The following LRP1B variants were observed in gnomAD, a reference collection of about 807,000 sequenced individuals.
The protein encoded by LRP1B is LDL receptor related protein 1B.
In LRP1B, 217 loss-of-function variants were observed where a neutral mutation model predicts 556.6. That is an observed-to-expected ratio of 0.39 (90% confidence interval 0.35 to 0.44). The LOEUF (loss-of-function observed/expected upper bound fraction) is 0.44, where lower values mean the gene tolerates loss of function less well. Among genes scored for constraint, LRP1B ranks in the 20% least tolerant of loss-of-function variants. The pLI, the probability that LRP1B is intolerant of heterozygous loss-of-function variation, is 1.00. For synonymous variants in LRP1B, 2,047 were observed against 1,865.8 expected, an observed-to-expected ratio of 1.10 and a Z score of -2.50; for missense variants, 5,053 against 5,620.8, an observed-to-expected ratio of 0.90 and a Z score of 3.23.
intron 3 of LRP1B, among the ~76,000 whole-genome samples, chr2:141,474,684 T>C: frequency 6.6e-6 from 1 of 152,186 alleles, no homozygotes; most frequent in East Asian, 1.9e-4. Context: ...TAAGGGGATC[T>C]TTTTCTTTTT....
intron 32 of LRP1B, among the ~76,000 whole-genome samples, chr2:140,781,321 T>C (rs1019065585): frequency 5.9e-5 from 9 of 152,304 alleles, no homozygotes; most frequent in Middle Eastern, 6.8e-3. Context: ...TCTTTCATCA[T>C]GCATAATTCT....
At chr2:141,723,459 G>T (rs1382328014) in intron 2 of LRP1B, among the ~76,000 whole-genome samples, 1 of 151,356 alleles carries the variant, frequency 6.6e-6, no homozygotes, top group African/African-American at 2.4e-5. Context: ...GTTCATTAGG[G>T]TATAGCTATA....
intron 35 of LRP1B, among the ~76,000 whole-genome samples, chr2:140,733,690 T>A (rs1015340380): frequency 6.6e-6 from 1 of 152,148 alleles, no homozygotes; most frequent in Admixed American, 6.5e-5. Flanking sequence ...AAAATGAGAT[T>A]AGTGATCACT....
intron 1 of LRP1B, among the ~76,000 whole-genome samples, chr2:142,085,297 C>A (rs1705874409): frequency 6.6e-6 from 1 of 152,158 alleles, no homozygotes; most frequent in South Asian, 2.1e-4. Flanking sequence ...CTTCTAACAT[C>A]TCCCATATTA....
At chr2:140,748,889 TAAC>T (rs1688473935) in intron 35 of LRP1B, among the ~76,000 whole-genome samples, 1 of 147,248 alleles carries the variant, frequency 6.8e-6, no homozygotes, top group African/African-American at 2.5e-5. Context: ...ATGCATCACT[TAAC>T]AACAGGGATA....
At chr2:142,042,468 A>G (rs970393213) in intron 1 of LRP1B, among the ~76,000 whole-genome samples, 2 of 151,452 alleles carry the variant, frequency 1.3e-5, no homozygotes, top group South Asian at 2.1e-4. Flanking sequence ...TCCTCTTAAA[A>G]CAATAATGCA....
At chr2:140,890,450 T>A (rs1186080996) in intron 23 of LRP1B, among the ~76,000 whole-genome samples, 1 of 152,202 alleles carries the variant, frequency 6.6e-6, no homozygotes, top group Non-Finnish European at 1.5e-5. Flanking sequence ...CAATGACCTT[T>A]ACATTGAGTA....
chr2:140,410,974 A>G (rs1485045398), intron 66 of LRP1B, among the ~76,000 whole-genome samples: 1 of 152,134 alleles, frequency 6.6e-6, no homozygotes, highest in Non-Finnish European at 1.5e-5. Context: ...TTACCTCACT[A>G]GAGCCATATA....
chr2:141,442,731 C>T (rs183056075), intron 3 of LRP1B, among the ~76,000 whole-genome samples: 5 of 152,208 alleles, frequency 3.3e-5, no homozygotes, highest in Non-Finnish European at 5.9e-5. Flanking sequence ...TTTCCAGCTT[C>T]GTCCATGTCC....
At chr2:141,954,854 C>G (rs893273244) in intron 1 of LRP1B, among the ~76,000 whole-genome samples, 7 of 152,036 alleles carry the variant, frequency 4.6e-5, no homozygotes, top group Admixed American at 1.3e-4. Context: ...TCCAGAGGAC[C>G]TTTCTTATGA....
chr2:141,805,287 A>C (rs928649789), intron 2 of LRP1B: 3 of 152,152 alleles, frequency 2.0e-5, no homozygotes, highest in Non-Finnish European at 4.4e-5. Flanking sequence ...GAAAGATAGA[A>C]GAAGCCTGTT....
chr2:140,585,262 G>T (rs1681939809), intron 43 of LRP1B, among the ~76,000 whole-genome samples: 1 of 151,984 alleles, frequency 6.6e-6, no homozygotes, highest in Non-Finnish European at 1.5e-5. Context: ...ATCCTATGAG[G>T]CATAAACTAT....
intron 1 of LRP1B, among the ~76,000 whole-genome samples, chr2:141,845,861 T>C (rs1697628128): frequency 6.6e-6 from 1 of 151,814 alleles, no homozygotes; most frequent in Non-Finnish European, 1.5e-5. Context: ...ACAATTACTT[T>C]TTAAAAAGAG....
chr2:141,546,053 C>G (rs572402894), intron 2 of LRP1B, among the ~76,000 whole-genome samples: 34 of 152,150 alleles, frequency 2.2e-4, no homozygotes, highest in African/African-American at 7.0e-4. Flanking sequence ...GGTGATGCTT[C>G]CCTTCACCTC....
At chr2:141,202,822 T>G (rs992084737) in intron 6 of LRP1B, among the ~76,000 whole-genome samples, 13 of 152,120 alleles carry the variant, frequency 8.5e-5, no homozygotes, top group Admixed American at 2.0e-4. Flanking sequence ...ACATGTTTGC[T>G]GCACCCATCA....
chr2:140,968,503 G>GTTT lies in LRP1B; in HGVS notation c.2887+13654_2887+13656dup, dbSNP rs34542410. ...CTCCTGGATTGATTGATTTTTTGCA[G>GTTT]TTTTTTTTTTTGTGTCTCTATCTCC... On this transcript the variant is annotated intron_variant, in intron 18 of 90. Coordinates refer to ENST00000389484, the MANE Select transcript of LRP1B (RefSeq NM_018557.3). 4.9e-3 allele frequency among the ~76,000 whole-genome samples: 483 copies of GTTT among 97,664 alleles called. 3 individuals are homozygous for GTTT. Among genetic ancestry groups the GTTT allele is most frequent in the African/African-American group, 6.7e-3 (227 of 33,702 alleles). The allele number at this position is 97,664 out of a possible 152,430, so 64.1% of individuals were successfully genotyped here. A position where few individuals can be genotyped will look rare whatever the true frequency, so the allele number is the denominator to read the frequency against.
chr2:140,724,491 T>A (rs986779864), intron 35 of LRP1B, among the ~76,000 whole-genome samples: 4 of 152,182 alleles, frequency 2.6e-5, no homozygotes, highest in Non-Finnish European at 4.4e-5. Context: ...TTCCATATTT[T>A]AAAAATAAAG....
At chr2:140,858,084 T>G (rs992002957) in intron 27 of LRP1B, among the ~76,000 whole-genome samples, 1 of 152,172 alleles carries the variant, frequency 6.6e-6, no homozygotes, top group East Asian at 1.9e-4. Context: ...GGGAATAAAT[T>G]GAGACATTTT....
intron 3 of LRP1B, among the ~76,000 whole-genome samples, chr2:141,260,135 CA>C (rs1248306359): frequency 1.3e-5 from 2 of 152,030 alleles, no homozygotes; most frequent in Non-Finnish European, 2.9e-5. Context: ...TAAGTTCTCT[CA>C]AATTTTTCAC....
Sources: gnomAD v4.1 joint callset for allele counts (sites outside exome capture counted in the v4.1 genomes callset) on GRCh38, gnomAD v4.1.1 for gene constraint, MANE v1.5 for transcripts, NCBI Gene and HGNC (gene_info 2026-07-23, HGNC 2026-07-21) for gene names.